RMDN2: variants seen among roughly 807,000 people sequenced by gnomAD.
The protein encoded by RMDN2 is regulator of microtubule dynamics 2.
RMDN2 carries 61 observed loss-of-function variants against 52.8 expected under a neutral mutation model. That is an observed-to-expected ratio of 1.16 (90% CI 0.94 to 1.43). RMDN2 has a LOEUF of 1.43. RMDN2 is among the 40% of genes most tolerant of loss of function. RMDN2 has a pLI of 0.00. For missense variants in RMDN2, 592 were observed against 475.3 expected, an observed-to-expected ratio of 1.25 and a Z score of -2.28; for synonymous variants, 180 against 153.1, an observed-to-expected ratio of 1.18 and a Z score of -1.30.
intron 2 of RMDN2, among the ~76,000 whole-genome samples, chr2:37,973,500 A>G (rs936786605): frequency 2.0e-5 from 3 of 152,198 alleles, no homozygotes; most frequent in African/African-American, 4.8e-5. Context: ...GAGGATACTG[A>G]CAAACAGCAC....
chr2:37,938,421 G>T (rs1387640607), intron 2 of RMDN2, among the ~76,000 whole-genome samples: 1 of 152,190 alleles, frequency 6.6e-6, no homozygotes, highest in Non-Finnish European at 1.5e-5. Flanking sequence ...AAATGAGTTA[G>T]GGAGGAGTCC....
At chr2:37,999,472 A>G (rs573794398) in intron 8 of RMDN2, among the ~76,000 whole-genome samples, 4 of 152,232 alleles carry the variant, frequency 2.6e-5, no homozygotes, top group Non-Finnish European at 4.4e-5. Context: ...GCCCCGCATT[A>G]GGTCATTACT....
downstream of RMDN2, among the ~76,000 whole-genome samples, chr2:38,019,002 T>C (rs539188891): frequency 6.6e-6 from 1 of 152,358 alleles, no homozygotes; most frequent in South Asian, 2.1e-4. Flanking sequence ...TCAGTCAAGA[T>C]ACTGAATCAG....
chr2:38,050,207 C>T (rs1402245750), intron 10 of RMDN2, among the ~76,000 whole-genome samples: 1 of 152,128 alleles, frequency 6.6e-6, no homozygotes, highest in East Asian at 1.9e-4. Context: ...CATGGCCCCA[C>T]ATGATGTGCC....
chr2:38,032,009 T>C (rs1278416564), intron 10 of RMDN2, among the ~76,000 whole-genome samples: 3 of 152,198 alleles, frequency 2.0e-5, no homozygotes, highest in Admixed American at 6.5e-5. Flanking sequence ...AGAAAAAAAG[T>C]GAGTGCTCTC....
intron 8 of RMDN2, among the ~76,000 whole-genome samples, chr2:37,998,731 CA>C (rs2125168258): frequency 6.6e-6 from 1 of 151,912 alleles, no homozygotes; most frequent in South Asian, 2.1e-4. Context: ...GAAAAGAGTT[CA>C]AAAAATAAAA....
At chr2:37,951,349 A>G in intron 2 of RMDN2, 1 of 1,613,254 alleles carries the variant, frequency 6.2e-7, no homozygotes, top group South Asian at 1.1e-5. Flanking sequence ...CTTGGTCATA[A>G]AACATCTTAT....
chr2:37,954,501 G>A (rs954775638), intron 2 of RMDN2, among the ~76,000 whole-genome samples: 2 of 151,988 alleles, frequency 1.3e-5, no homozygotes, highest in African/African-American at 4.8e-5. Context: ...CAAAAGTCAT[G>A]TGATCATATA....
rs762682722 is a variant in RMDN2, at chr2:37,952,104, C to A, written c.453-21936C>A. 9 of 1,613,160 alleles carry A rather than the reference C, an allele frequency of 5.6e-6. No homozygotes were observed. In the South Asian group the frequency reaches 9.9e-5, roughly 18 times the overall value. ...AAATTCTGGTTGCTTTATCCCACCTCAAAGCGAATTAACTTCAGGCCTGTT... is the reference window on the plus strand; with the variant it reads ...AAATTCTGGTTGCTTTATCCCACCTAAAAGCGAATTAACTTCAGGCCTGTT... On this transcript the variant is annotated intron_variant, in intron 2 of 10. Transcript: ENST00000354545.
At chr2:37,966,777 T>C (rs1671111346) in intron 2 of RMDN2, among the ~76,000 whole-genome samples, 1 of 152,162 alleles carries the variant, frequency 6.6e-6, no homozygotes, top group Non-Finnish European at 1.5e-5. Flanking sequence ...GGAAAATGAA[T>C]ATTATGAAAA....
intron 2 of RMDN2, among the ~76,000 whole-genome samples, chr2:37,961,243 A>G (rs1465587159): frequency 6.6e-6 from 1 of 152,076 alleles, no homozygotes; most frequent in Admixed American, 6.5e-5. Context: ...CTGTCTTGCT[A>G]TGTTGGGGAA....
At chr2:38,019,934 C>A (rs1368778902), downstream of RMDN2, among the ~76,000 whole-genome samples, 2 of 151,520 alleles carry the variant, frequency 1.3e-5, no homozygotes, top group Admixed American at 1.3e-4. Flanking sequence ...GAAACTGTTT[C>A]AAAAAAATTT....
intron 10 of RMDN2, among the ~76,000 whole-genome samples, chr2:38,060,754 C>G (rs1376563941): frequency 1.3e-5 from 2 of 152,050 alleles, no homozygotes; most frequent in African/African-American, 4.8e-5. Context: ...GTCCAATGGC[C>G]TAGATAATGG....
intron 10 of RMDN2, among the ~76,000 whole-genome samples, chr2:38,053,443 C>T (rs1414362191): frequency 6.6e-6 from 1 of 152,178 alleles, no homozygotes; most frequent in East Asian, 1.9e-4. Context: ...AGAAATGCTG[C>T]TGAAGAAAGT....
chr2:37,979,221 A>C (rs1672980390), intron 4 of RMDN2, among the ~76,000 whole-genome samples: 1 of 152,184 alleles, frequency 6.6e-6, no homozygotes, highest in Non-Finnish European at 1.5e-5. Flanking sequence ...GTGAAAACGA[A>C]GGGTGGAGGG....
At chr2:37,950,462 C>G (rs1348103752) in intron 2 of RMDN2, 1 of 1,610,966 alleles carries the variant, frequency 6.2e-7, no homozygotes, top group Non-Finnish European at 8.5e-7. Flanking sequence ...CATGTTAACT[C>G]CACATGCAGC....
intron 10 of RMDN2, among the ~76,000 whole-genome samples, chr2:38,059,449 A>G (rs1176551605): frequency 6.6e-6 from 1 of 152,234 alleles, no homozygotes; most frequent in African/African-American, 2.4e-5. Context: ...GAACATAAAA[A>G]TGTCCACCCC....
intron 10 of RMDN2, among the ~76,000 whole-genome samples, chr2:38,033,867 A>G (rs555836826): frequency 6.6e-6 from 1 of 152,298 alleles, no homozygotes; most frequent in East Asian, 1.9e-4. Context: ...TTAGCCTGGG[A>G]ATTATCTTTA....
intron 10 of RMDN2, chr2:38,032,727 T>A (rs1488393974): frequency 6.6e-6 from 1 of 152,230 alleles, no homozygotes; most frequent in African/African-American, 2.4e-5. Context: ...TAATCCCAGC[T>A]ACTCAGGAGG....
Sources: gnomAD v4.1 joint callset for allele counts (sites outside exome capture counted in the v4.1 genomes callset) on GRCh38, gnomAD v4.1.1 for gene constraint, MANE v1.5 for transcripts, NCBI Gene and HGNC (gene_info 2026-07-23, HGNC 2026-07-21) for gene names.